The following BNIP1 variants were observed in gnomAD, a reference collection of about 807,000 sequenced individuals.
BNIP1 encodes the protein vesicle transport protein SEC20.
Under a neutral mutation model 28.5 loss-of-function variants are expected in BNIP1, and 25 were observed. The ratio of observed to expected loss-of-function variants is 0.88; its 90% CI spans 0.64 to 1.23. The LOEUF (loss-of-function observed/expected upper bound fraction) is 1.23. BNIP1 is among the 50% of genes most tolerant of loss of function. BNIP1 has a pLI of 0.00. For missense variants in BNIP1, 276 were observed against 277.0 expected (o/e 1.00, Z 0.02); for synonymous variants, 118 against 101.7 (o/e 1.16, Z -0.96).
intron 1 of BNIP1, 55 bp from the exon 2 acceptor site, chr5:173,146,811 G>GTCATT: frequency 7.5e-7 from 1 of 1,324,524 alleles, no homozygotes; most frequent in South Asian, 1.2e-5. Flanking sequence ...TATGGATGGT[G>GTCATT]TCATTTCATT....
At chr5:173,151,580 A>G (rs1168038331) in intron 2 of BNIP1, 5 of 1,611,412 alleles carry the variant, frequency 3.1e-6, no homozygotes, top group Non-Finnish European at 4.2e-6. Flanking sequence ...TTCTCTATCA[A>G]AGGGCATTTA....
intron 1 of BNIP1, 120 bp from the exon 2 acceptor site, chr5:173,146,746 G>C: frequency 3.2e-6 from 2 of 617,722 alleles, no homozygotes; most frequent in Non-Finnish European, 5.7e-6. Context: ...CAAAGATCAG[G>C]ATGAATTATA....
intron 4 of BNIP1, among the ~76,000 whole-genome samples, chr5:173,159,120 C>G (rs1760289875): frequency 6.6e-6 from 1 of 152,020 alleles, no homozygotes; most frequent in South Asian, 2.1e-4. Context: ...TCACCGCAAC[C>G]TCCGCCTCCT....
rs749231423 is a variant in BNIP1, at chr5:173,163,935, C to T, written c.*14C>T. ...CCATTTTTGTGAGATCCCAAAGGTG[C>T]CAGTTCTGGCCCTTTCAGCTCCTGT... is the stretch of plus-strand genomic sequence containing the variant. On this transcript the variant is annotated 3_prime_UTR_variant, in exon 6 of 6. Coordinates refer to ENST00000351486, the MANE Select transcript of BNIP1 (RefSeq NM_001205.3). 21 of 1,576,338 alleles carry T rather than the reference C, an allele frequency of 1.3e-5. No individual in the cohort carries two copies. Among genetic ancestry groups the T allele is most frequent in the Admixed American group, 1.8e-5 (1 of 54,762 alleles).
chr5:173,145,728 A>G (rs1759816683), intron 1 of BNIP1, among the ~76,000 whole-genome samples: 1 of 152,158 alleles, frequency 6.6e-6, no homozygotes, highest in Non-Finnish European at 1.5e-5. Context: ...AAAAATAATC[A>G]TTTTCAACAA....
chr5:173,161,709 A>C (rs1266858381), intron 5 of BNIP1: 1 of 152,142 alleles, frequency 6.6e-6, no homozygotes, highest in Non-Finnish European at 1.5e-5. Context: ...TGGTGTCTGG[A>C]ATTTGCTCCA....
In BNIP1 at chr5:173,164,334, T is replaced by G. The variant is rs8543; in HGVS notation, c.*413T>G. ...GTGATGAAAACTCCTGGTCATTCCT[T>G]GAATAAACTTGATTTTATTTAATAG... On this transcript the variant is annotated 3_prime_UTR_variant, in exon 6 of 6. Coordinates refer to ENST00000351486, the MANE Select transcript of BNIP1 (RefSeq NM_001205.3). The surrounding 1 kb of genome is among the most constrained non-coding windows in gnomAD (Gnocchi z 4.0). 14,450 of 161,344 alleles carry G rather than the reference T, an allele frequency of 0.09. 847 individuals are homozygous for G. Among genetic ancestry groups the G allele is most frequent in the South Asian group, 0.16 (765 of 4,910 alleles). The allele number at this position is 161,344 out of a possible 1,614,324, so 10.0% of individuals were successfully genotyped here.
intron 2 of BNIP1, chr5:173,151,768 C>G (rs1760030004): frequency 6.3e-6 from 10 of 1,597,904 alleles, no homozygotes; most frequent in Non-Finnish European, 8.5e-6. Flanking sequence ...ATTAAAATGA[C>G]CTCACCAATA....
intron 3 of BNIP1, among the ~76,000 whole-genome samples, chr5:173,156,785 AC>A (rs992755759): frequency 2.7e-5 from 4 of 150,860 alleles, no homozygotes; most frequent in African/African-American, 7.3e-5. Flanking sequence ...AGTAGCTGGG[AC>A]TACAGGCACC....
chr5:173,147,830 C>T (rs1028927669), intron 2 of BNIP1, among the ~76,000 whole-genome samples: 1 of 151,548 alleles, frequency 6.6e-6, no homozygotes, highest in Non-Finnish European at 1.5e-5. Context: ...CTGTTGCTTT[C>T]ATTTTTAAAA....
chr5:173,163,609 C>T, intron 5 of BNIP1, 116 bp from the exon 6 acceptor site: 2 of 943,670 alleles, frequency 2.1e-6, no homozygotes, highest in Non-Finnish European at 3.1e-6. Context: ...TTGATTCCAG[C>T]TCAGAGGAAC....
chr5:173,155,698 C>T (rs1435382180), intron 3 of BNIP1, among the ~76,000 whole-genome samples: 1 of 147,648 alleles, frequency 6.8e-6, no homozygotes, highest in Non-Finnish European at 1.5e-5. Context: ...ACCTTAAAAA[C>T]AAAAAAAAAA....
chr5:173,162,287 G>T (rs1440508814), intron 5 of BNIP1, among the ~76,000 whole-genome samples: 9 of 152,264 alleles, frequency 5.9e-5, no homozygotes, highest in East Asian at 1.9e-4. Context: ...AAACTATTGA[G>T]ATATTTTACA....
intron 1 of BNIP1, among the ~76,000 whole-genome samples, chr5:173,146,134 C>A (rs1265191869): frequency 6.6e-6 from 1 of 152,172 alleles, no homozygotes; most frequent in Admixed American, 6.5e-5. Context: ...TGCGTTCTTA[C>A]CGTTTTCCAG....
intron 5 of BNIP1, chr5:173,160,731 T>G (rs924288057): frequency 1.1e-5 from 5 of 445,006 alleles, no homozygotes; most frequent in African/African-American, 4.0e-5. Context: ...TTGGGAATGG[T>G]TGCTCCAAGA....
intron 5 of BNIP1, chr5:173,161,489 C>T (rs191538173): frequency 4.6e-5 from 7 of 152,334 alleles, no homozygotes; most frequent in African/African-American, 1.4e-4. Flanking sequence ...GCATACCCCC[C>T]GCTAACAGTG....
In BNIP1 at chr5:173,152,499, G is replaced by A. The variant is rs553688746; in HGVS notation, c.178-1823G>A. ...CGAGTACCTGGGATTACAGGCGCCC[G>A]CCACCACGCCTGGCTAATTTTTTGT... On this transcript the variant is annotated intron_variant, in intron 2 of 5. Transcript: ENST00000351486. Among the ~76,000 whole-genome samples the A allele has an allele frequency of 1.1e-3, 161 of 152,034 alleles. 2 individuals are homozygous for A. The South Asian group carries it at 0.014, about 14-fold the overall frequency.
intron 2 of BNIP1, among the ~76,000 whole-genome samples, chr5:173,147,968 C>A (rs1759888460): frequency 1.4e-5 from 2 of 143,998 alleles, no homozygotes; most frequent in Non-Finnish European, 3.0e-5. Flanking sequence ...GAGGCTGAGG[C>A]AGGAGAATCG....
intron 2 of BNIP1, among the ~76,000 whole-genome samples, chr5:173,152,751 C>A (rs1760058903): frequency 6.6e-6 from 1 of 152,078 alleles, no homozygotes; most frequent in African/African-American, 2.4e-5. Context: ...TTGATTATTT[C>A]TTTTATTCTC....
Sources: gnomAD v4.1 joint callset for allele counts (sites outside exome capture counted in the v4.1 genomes callset) on GRCh38, gnomAD v4.1.1 for gene constraint, Gnocchi (gnomAD v3.1) non-coding constraint, MANE v1.5 for transcripts, NCBI Gene and HGNC (gene_info 2026-07-23, HGNC 2026-07-21) for gene names.